The following MAVS variants were observed in gnomAD, a reference collection of about 807,000 sequenced individuals.
MAVS encodes the protein mitochondrial antiviral signaling protein.
In MAVS, 20 loss-of-function variants were observed where a neutral mutation model predicts 30.2. The ratio of observed to expected loss-of-function variants is 0.66; its 90% CI spans 0.47 to 0.96. MAVS has a LOEUF of 0.96. Ranked by LOEUF, MAVS falls within the 40% of genes least tolerant of loss-of-function variation. The pLI is 0.00. For missense variants in MAVS, 624 were observed against 701.1 expected, an observed-to-expected ratio of 0.89 and a Z score of 1.24; for synonymous variants, 278 against 293.9, an observed-to-expected ratio of 0.95 and a Z score of 0.55.
intron 2 of MAVS, among the ~76,000 whole-genome samples, chr20:3,857,274 T>C (rs1025372933): frequency 2.0e-5 from 3 of 152,196 alleles, no homozygotes; most frequent in Non-Finnish European, 2.9e-5. Context: ...GGGTTTGGAT[T>C]CCTGCCCCAC....
chr20:3,853,288 C>T lies in MAVS; in HGVS notation c.-67-1270C>T, dbSNP rs534989363. On this transcript the variant is annotated intron_variant, in intron 1 of 6. Coordinates refer to ENST00000428216, the MANE Select transcript of MAVS (RefSeq NM_020746.5). ...CATCACGAGGTCAGTAAATCGAGAC[C>T]ATCCTGGCTAACCCCGTGAAACCCC... Among the ~76,000 whole-genome samples, 3 of 150,758 alleles carry T rather than the reference C, an allele frequency of 2.0e-5. 1 individual carries two copies. The highest frequency in any genetic ancestry group is 4.4e-5 in the Non-Finnish European group (3 of 67,566).
chr20:3,850,830 G>T (rs2089753585), intron 1 of MAVS, among the ~76,000 whole-genome samples: 1 of 149,444 alleles, frequency 6.7e-6, no homozygotes, highest in South Asian at 2.1e-4. Flanking sequence ...AGCTTGCAGT[G>T]AGCCGAGATT....
At chr20:3,858,544 T>G (rs1400232631) in intron 3 of MAVS, among the ~76,000 whole-genome samples, 1 of 151,710 alleles carries the variant, frequency 6.6e-6, no homozygotes, top group Non-Finnish European at 1.5e-5. Context: ...CCGGGCATGT[T>G]GTCCCAGCTA....
At chr20:3,864,235 C>T (rs530437748) in intron 5 of MAVS, 21 bp from the exon 6 acceptor site, 6 of 1,587,602 alleles carry the variant, frequency 3.8e-6, no homozygotes, top group East Asian at 2.2e-5. Flanking sequence ...TGTGTTTCCA[C>T]TTGTGTTTTT....
At position 3,867,571 on chromosome 20, in the gene MAVS, G is replaced by C. The variant is rs576176562; in HGVS notation, c.*1424G>C. The C allele has an allele frequency of 3.9e-5, 6 of 155,258 alleles. No homozygotes were observed. The highest frequency in any genetic ancestry group is 8.6e-5 in the Non-Finnish European group (6 of 69,866). The allele number at this position is 155,258 out of a possible 1,614,324, so 9.6% of individuals were successfully genotyped here. A position where few individuals can be genotyped will look rare whatever the true frequency, so the allele number is the denominator to read the frequency against. On this transcript the variant is annotated 3_prime_UTR_variant, in exon 7 of 7. Coordinates refer to ENST00000428216, the MANE Select transcript of MAVS (RefSeq NM_020746.5). ...GGATCGTGCCACTGCACTCCAACCT[G>C]GGTGAGAGAGCGAGACCCTGTCTCA...
At chr20:3,860,441 C>G (rs112647131) in intron 3 of MAVS, among the ~76,000 whole-genome samples, 1,825 of 146,638 alleles carry the variant, frequency 0.012, 13 homozygotes, top group Non-Finnish European at 0.02. Context: ...ATGGTGCAAT[C>G]TCAGGTCATG....
At chr20:3,849,058 G>C (rs932672241) in intron 1 of MAVS, among the ~76,000 whole-genome samples, 2 of 152,018 alleles carry the variant, frequency 1.3e-5, no homozygotes, top group Non-Finnish European at 2.9e-5. Flanking sequence ...ATGTAAATCA[G>C]ATCCTCTTCT....
In MAVS at chr20:3,867,361, T is replaced by G. The variant is rs2089917353; in HGVS notation, c.*1214T>G. On this transcript the variant is annotated 3_prime_UTR_variant, in exon 7 of 7. Coordinates refer to ENST00000428216, the MANE Select transcript of MAVS (RefSeq NM_020746.5). Reference sequence around the variant, plus strand: ...ATGAGTCCTGGCATTTACCAAGGGTTGGATATATGTTATTATCACTATTAA... The same window carrying G: ...ATGAGTCCTGGCATTTACCAAGGGTGGGATATATGTTATTATCACTATTAA... 1 of 279,402 alleles carries G rather than the reference T, an allele frequency of 3.6e-6. No homozygotes were observed. The allele number at this position is 279,402 out of a possible 1,614,324, so 17.3% of individuals were successfully genotyped here. A position where few individuals can be genotyped will look rare whatever the true frequency, so the allele number is the denominator to read the frequency against.
At chr20:3,852,062 T>G (rs1212510409) in intron 1 of MAVS, among the ~76,000 whole-genome samples, 1 of 147,934 alleles carries the variant, frequency 6.8e-6, no homozygotes, top group African/African-American at 2.6e-5. Context: ...TGGCGCAATC[T>G]TGGCTCACTG....
At chr20:3,860,654 C>A (rs1411380127) in intron 3 of MAVS, among the ~76,000 whole-genome samples, 1 of 151,658 alleles carries the variant, frequency 6.6e-6, no homozygotes, top group Non-Finnish European at 1.5e-5. Flanking sequence ...GGATTACAGG[C>A]GTGAGCCACC....
chr20:3,861,268 C>T lies in MAVS; in HGVS notation c.293-64C>T, dbSNP rs369164446. Reference sequence around the variant, plus strand: ...TTGGCCTCCCAAAGTGCTGAGATTACAGGCATGAGCCACTGTGCCCAGCCC... The same window carrying T: ...TTGGCCTCCCAAAGTGCTGAGATTATAGGCATGAGCCACTGTGCCCAGCCC... On this transcript the variant is annotated intron_variant, in intron 3 of 6. Coordinates refer to ENST00000428216, the MANE Select transcript of MAVS (RefSeq NM_020746.5). The T allele has an allele frequency of 2.5e-5, 38 of 1,497,894 alleles. No individual in the cohort carries two copies. In the East Asian group the frequency reaches 6.4e-4, roughly 25 times the overall value. 92.8% of individuals were successfully genotyped at this position (1,497,894 alleles called of 1,614,324 possible).
At chr20:3,853,395 A>G (rs921651208) in intron 1 of MAVS, among the ~76,000 whole-genome samples, 1 of 151,032 alleles carries the variant, frequency 6.6e-6, no homozygotes, top group African/African-American at 2.4e-5. Context: ...CTGAGGCAGG[A>G]GAATGGCGTG....
At chr20:3,859,303 C>T (rs895980557) in intron 3 of MAVS, among the ~76,000 whole-genome samples, 35 of 151,878 alleles carry the variant, frequency 2.3e-4, no homozygotes, top group Non-Finnish European at 3.8e-4. Context: ...GTCAGGAGTT[C>T]GAGACCAGCC....
chr20:3,854,973 C>T (rs1395915884), intron 2 of MAVS, among the ~76,000 whole-genome samples: 1 of 148,948 alleles, frequency 6.7e-6, no homozygotes, highest in Non-Finnish European at 1.5e-5. Flanking sequence ...TCATTGCAAC[C>T]TCCGCCTCCT....
Position 3,864,248 on chromosome 20 carries a change from A to T in MAVS, c.626-8A>T. Reference sequence around the variant, plus strand: ...TCTGTGTTTCCACTTGTGTTTTTCCACCGGCAGGTGCGACCTCCAGCCTCA... The same window carrying T: ...TCTGTGTTTCCACTTGTGTTTTTCCTCCGGCAGGTGCGACCTCCAGCCTCA... On this transcript the variant is annotated splice_region_variant and splice_polypyrimidine_tract_variant and intron_variant, in intron 5 of 6. Transcript: ENST00000428216. 6.3e-7 allele frequency: 1 copy of T among 1,593,544 alleles called. No homozygotes were observed. The highest frequency in any genetic ancestry group is 8.5e-7 in the Non-Finnish European group (1 of 1,169,804).
At position 3,854,706 on chromosome 20, in the gene MAVS, C is replaced by G. The variant is rs891960914; in HGVS notation, c.82C>G (p.Leu28Val). ...TTGCAATGTGGATGTTGTAGAGATT[C>G]TGCCTTACCTGCCCTGCCTCACAGC... Reference protein sequence around the residue: ...NFCNVDVVEILPYLPCLTARD... With the variant: ...NFCNVDVVEIVPYLPCLTARD... Residue 28 changes from leucine (L) to valine (V), a missense_variant, in exon 2 of 7, where the codon CTG becomes GTG. Physicochemically the swap from Leu to Val is conservative, Grantham distance 32. Coordinates refer to ENST00000428216, the MANE Select transcript of MAVS (RefSeq NM_020746.5). 1 of 1,613,818 alleles carries G rather than the reference C, an allele frequency of 6.2e-7. No individual in the cohort carries two copies. Among genetic ancestry groups the G allele is most frequent in the African/African-American group, 1.3e-5 (1 of 75,008 alleles).
chr20:3,872,894 C>A lies in MAVS; in HGVS notation c.*6747C>A, dbSNP rs939093955. The A allele has an allele frequency of 1.3e-5, 2 of 152,120 alleles. No homozygotes were observed. The highest frequency in any genetic ancestry group is 2.9e-5 in the Non-Finnish European group (2 of 68,022). 9.4% of individuals were successfully genotyped at this position (152,120 alleles called of 1,614,324 possible). On this transcript the variant is annotated 3_prime_UTR_variant, in exon 7 of 7. Transcript: ENST00000428216. Reference sequence around the variant, plus strand: ...TGACACAGAATAATACGGCAAAGACCCCACCCGATGAGCCCCCTCCCACCA... The same window carrying A: ...TGACACAGAATAATACGGCAAAGACACCACCCGATGAGCCCCCTCCCACCA...
In MAVS at chr20:3,861,312, A is replaced by C; in HGVS notation, c.293-20A>C. 1 of 1,596,220 alleles carries C rather than the reference A, an allele frequency of 6.3e-7. No individual in the cohort carries two copies. Among genetic ancestry groups the C allele is most frequent in the Non-Finnish European group, 8.5e-7 (1 of 1,170,066 alleles). On this transcript the variant is annotated intron_variant, in intron 3 of 6. Transcript: ENST00000428216. ...CCAGCCCTGATTCCTTCTTGATATC[A>C]CTACATCTTTGTCCTCTAGGGACCT...
intron 2 of MAVS, among the ~76,000 whole-genome samples, chr20:3,855,079 C>T (rs995151804): frequency 2.6e-5 from 4 of 151,840 alleles, no homozygotes; most frequent in Admixed American, 2.6e-4. Context: ...TTAATAGAGA[C>T]GGGGTTTCAC....
Sources: gnomAD v4.1 joint callset for allele counts (sites outside exome capture counted in the v4.1 genomes callset) on GRCh38, gnomAD v4.1.1 for gene constraint, MANE v1.5 for transcripts, NCBI Gene and HGNC (gene_info 2026-07-23, HGNC 2026-07-21) for gene names.